Variants in VTI1A observed in about 807,000 individuals in gnomAD.
The protein encoded by VTI1A is vesicle transport through interaction with t-SNAREs homolog 1A.
A neutral mutation model predicts 34.9 loss-of-function variants in VTI1A; 22 were observed. The ratio of observed to expected loss-of-function variants is 0.63; its 90% CI spans 0.45 to 0.90. The LOEUF is 0.90. Ranked by LOEUF, VTI1A falls within the 40% of genes least tolerant of loss-of-function variation. VTI1A has a pLI of 0.00. For missense variants in VTI1A, 268 were observed against 275.6 expected, an observed-to-expected ratio of 0.97 and a Z score of 0.20; for synonymous variants, 87 against 97.3, an observed-to-expected ratio of 0.89 and a Z score of 0.62.
intron 5 of VTI1A, among the ~76,000 whole-genome samples, chr10:112,549,825 G>T (rs1448986997): frequency 1.3e-5 from 2 of 152,044 alleles, no homozygotes; most frequent in African/African-American, 4.8e-5. Context: ...TTACCTTACA[G>T]TTACAAGCCT....
intron 7 of VTI1A, among the ~76,000 whole-genome samples, chr10:112,682,197 G>C (rs1347927179): frequency 6.6e-6 from 1 of 152,126 alleles, no homozygotes. Flanking sequence ...CGAGCTCATG[G>C]ATCTGGAAGA....
intron 5 of VTI1A, among the ~76,000 whole-genome samples, chr10:112,618,793 A>C (rs1486515741): frequency 6.6e-6 from 1 of 152,092 alleles, no homozygotes; most frequent in Non-Finnish European, 1.5e-5. Flanking sequence ...GAATATTATT[A>C]GGACATCCAA....
rs529139638 is a variant in VTI1A at position 112,546,185 on chromosome 10, G to A, written c.427+7855G>A. Among the ~76,000 whole-genome samples the A allele has an allele frequency of 1.2e-4, 17 of 145,390 alleles. No individual in the cohort carries two copies. In the South Asian group the frequency reaches 1.8e-3, roughly 15 times the overall value. On this transcript the variant is annotated intron_variant, in intron 5 of 7. Transcript: ENST00000393077. ...TATATATATACACACACACACATAC[G>A]CACACACATATATATGCATACACAC...
chr10:112,619,930 G>C (rs2134560938), intron 5 of VTI1A, among the ~76,000 whole-genome samples: 1 of 152,294 alleles, frequency 6.6e-6, no homozygotes, highest in South Asian at 2.1e-4. Context: ...GAACATGGCT[G>C]TCCATGTGGT....
At chr10:112,850,489 A>G in the VTI1A span, among the ~76,000 whole-genome samples, 10 of 151,980 alleles carry the variant, frequency 6.6e-5, no homozygotes, top group Non-Finnish European at 1.5e-4. Context: ...CATTCACTAA[A>G]CCCCCAAGAC....
At chr10:112,453,184 G>A (rs1469026086) in intron 1 of VTI1A, among the ~76,000 whole-genome samples, 2 of 152,160 alleles carry the variant, frequency 1.3e-5, no homozygotes, top group Non-Finnish European at 2.9e-5. Context: ...GGAGTTCTGG[G>A]TTTTGGGGAG....
At chr10:112,796,942 T>C (rs145499918) in intron 7 of VTI1A, among the ~76,000 whole-genome samples, 1 of 152,184 alleles carries the variant, frequency 6.6e-6, no homozygotes, top group African/African-American at 2.4e-5. Flanking sequence ...GAACTGGTTT[T>C]TATAGGAAGA....
At chr10:112,573,622 C>A (rs1852221731) in intron 5 of VTI1A, among the ~76,000 whole-genome samples, 1 of 152,142 alleles carries the variant, frequency 6.6e-6, no homozygotes, top group South Asian at 2.1e-4. Flanking sequence ...CCAATTCCAC[C>A]ATTCACTGTC....
chr10:112,566,798 A>C (rs1354307691), intron 5 of VTI1A, among the ~76,000 whole-genome samples: 1 of 152,078 alleles, frequency 6.6e-6, no homozygotes, highest in Non-Finnish European at 1.5e-5. Flanking sequence ...TGAATATTCC[A>C]TCACTCTATA....
At chr10:112,776,200 G>C (rs1045355299) in intron 7 of VTI1A, among the ~76,000 whole-genome samples, 1 of 152,218 alleles carries the variant, frequency 6.6e-6, no homozygotes, top group Non-Finnish European at 1.5e-5. Context: ...GAGGGTAATC[G>C]TGGGCAGATC....
At chr10:112,590,692 A>G (rs970177606) in intron 5 of VTI1A, among the ~76,000 whole-genome samples, 2 of 151,842 alleles carry the variant, frequency 1.3e-5, no homozygotes, top group South Asian at 2.1e-4. Context: ...AACAATAATA[A>G]TATTAATAAA....
At chr10:112,771,067 A>G (rs1851801866) in intron 7 of VTI1A, among the ~76,000 whole-genome samples, 1 of 152,120 alleles carries the variant, frequency 6.6e-6, no homozygotes, top group South Asian at 2.1e-4. Flanking sequence ...GATGGCTTGC[A>G]TGAGCACACA....
rs1038594359 is a variant in VTI1A, at chr10:112,628,959, A to G, written c.428-39259A>G. 2.6e-5 allele frequency among the ~76,000 whole-genome samples: 4 copies of G among 152,268 alleles called. No homozygotes were observed. The East Asian group carries it at 7.7e-4, about 29-fold the overall frequency. On this transcript the variant is annotated intron_variant, in intron 5 of 7. Coordinates refer to ENST00000393077, the MANE Select transcript of VTI1A (RefSeq NM_145206.4). ...TGGGTTCATTGACTCTCTTTGATAC[A>G]CCAGACATCTCATAACCCACACTTA... is the stretch of plus-strand genomic sequence containing the variant.
At chr10:112,657,778 CTT>C (rs1331782463) in intron 5 of VTI1A, among the ~76,000 whole-genome samples, 1 of 151,400 alleles carries the variant, frequency 6.6e-6, no homozygotes, top group African/African-American at 2.4e-5. Context: ...AAGTTAAAAA[CTT>C]TTATATATCA....
At chr10:112,511,247 T>G (rs997106097) in intron 3 of VTI1A, among the ~76,000 whole-genome samples, 5 of 148,016 alleles carry the variant, frequency 3.4e-5, no homozygotes, top group African/African-American at 5.1e-5. Flanking sequence ...CATGTGAGGT[T>G]TTTTTTTTTT....
At chr10:112,611,955 A>G (rs945632112) in intron 5 of VTI1A, among the ~76,000 whole-genome samples, 1 of 151,856 alleles carries the variant, frequency 6.6e-6, no homozygotes, top group Non-Finnish European at 1.5e-5. Flanking sequence ...GTTAGCCAGG[A>G]TGGTCTTGAT....
At chr10:112,789,343 C>A (rs1852389712) in intron 7 of VTI1A, among the ~76,000 whole-genome samples, 1 of 152,172 alleles carries the variant, frequency 6.6e-6, no homozygotes, top group Admixed American at 6.5e-5. Flanking sequence ...CCCACCTCAC[C>A]CTTTTTGACA....
chr10:112,473,102 A>AC (rs1443070358), intron 3 of VTI1A, among the ~76,000 whole-genome samples: 4 of 140,952 alleles, frequency 2.8e-5, no homozygotes, highest in Admixed American at 1.4e-4. Flanking sequence ...CATTTGATCC[A>AC]CTTTTTTTTT....
At chr10:112,542,631 A>C (rs369774263) in intron 5 of VTI1A, among the ~76,000 whole-genome samples, 2 of 152,238 alleles carry the variant, frequency 1.3e-5, no homozygotes, top group East Asian at 1.9e-4. Context: ...AAATAACACA[A>C]TGTTTATTGA....
Sources: gnomAD v4.1 joint callset for allele counts (sites outside exome capture counted in the v4.1 genomes callset) on GRCh38, gnomAD v4.1.1 for gene constraint, MANE v1.5 for transcripts, NCBI Gene and HGNC (gene_info 2026-07-23, HGNC 2026-07-21) for gene names.